Variants in SLC10A7 observed in about 807,000 individuals in gnomAD.
SLC10A7 encodes sodium/bile acid cotransporter 7.
Under a neutral mutation model 43.2 loss-of-function variants are expected in SLC10A7, and 29 were observed. That is an observed-to-expected ratio of 0.67 (90% CI 0.50 to 0.92). The LOEUF is 0.92. Among genes scored for constraint, SLC10A7 ranks in the 40% least tolerant of loss-of-function variants. The probability of loss-of-function intolerance (pLI) is 0.00; values close to 1 mark genes in which losing one functional copy is unlikely to be tolerated. For synonymous variants in SLC10A7, 152 were observed against 144.8 expected (o/e 1.05, Z -0.35); for missense variants, 295 against 403.2 (o/e 0.73, Z 2.30).
chr4:146,473,974 AAC>A lies in SLC10A7; in HGVS notation c.396+29873_396+29874del, dbSNP rs533097649. ...TCTCTGTTACCTTAACAGTTTTTGC[AAC>A]ACATTAAAGAGGTGAGCTTGACCAT... On this transcript the variant is annotated intron_variant, in intron 4 of 11. Transcript: ENST00000335472. Among the ~76,000 whole-genome samples the A allele has an allele frequency of 1.2e-4, 19 of 152,230 alleles. No homozygotes were observed. The South Asian group carries it at 2.5e-3, about 20-fold the overall frequency.
intron 5 of SLC10A7, among the ~76,000 whole-genome samples, chr4:146,436,692 A>G (rs747644833): frequency 1.7e-4 from 26 of 152,066 alleles, no homozygotes; most frequent in Admixed American, 2.6e-4. Flanking sequence ...CTCTCTTTCA[A>G]TCCTTTGGAT....
At chr4:146,475,183 G>A (rs1733918980) in intron 4 of SLC10A7, among the ~76,000 whole-genome samples, 1 of 151,966 alleles carries the variant, frequency 6.6e-6, no homozygotes, top group Non-Finnish European at 1.5e-5. Flanking sequence ...CAGCTGTAGA[G>A]GCACATACAT....
Position 146,416,807 on chromosome 4 carries a change from A to G in SLC10A7, c.435+25976T>C, listed in dbSNP as rs529367151. On this transcript the variant is annotated intron_variant, in intron 5 of 11. Coordinates refer to ENST00000335472, the MANE Select transcript of SLC10A7 (RefSeq NM_001029998.6). ...TTATTACATATCTGAATTCATCTTCATTGCCTTTTCTGTTCTGGCTATTCT... is the reference window on the plus strand; with the variant it reads ...TTATTACATATCTGAATTCATCTTCGTTGCCTTTTCTGTTCTGGCTATTCT... Among the ~76,000 whole-genome samples, 474 of 152,248 alleles carry G rather than the reference A, an allele frequency of 3.1e-3. 2 individuals carry two copies. The highest frequency in any genetic ancestry group is 0.011 in the African/African-American group (442 of 41,538).
At chr4:146,371,401 T>C (rs1736768874) in intron 5 of SLC10A7, among the ~76,000 whole-genome samples, 1 of 152,138 alleles carries the variant, frequency 6.6e-6, no homozygotes, top group Admixed American at 6.6e-5. Flanking sequence ...ATTAATCTCA[T>C]CTAAAGGCAG....
intron 5 of SLC10A7, among the ~76,000 whole-genome samples, chr4:146,407,998 C>A (rs1212055255): frequency 6.6e-6 from 1 of 152,182 alleles, no homozygotes; most frequent in East Asian, 1.9e-4. Flanking sequence ...AAGCCAAATT[C>A]TGTTCCCTTG....
intron 6 of SLC10A7, among the ~76,000 whole-genome samples, chr4:146,313,762 G>GTCTCTTTCGCTGACCTAGACCTCTCTCT (rs1207053695): frequency 2.0e-5 from 3 of 152,004 alleles, no homozygotes; most frequent in African/African-American, 2.4e-5. Flanking sequence ...CTGCCCCTTG[G>GTCTCTTTCGCTGACCTAGACCTCTCTCT]TCTCTTTCGC....
chr4:146,289,864 C>T (rs527979787), intron 9 of SLC10A7, among the ~76,000 whole-genome samples: 41 of 149,930 alleles, frequency 2.7e-4, no homozygotes, highest in Middle Eastern at 3.5e-3. Context: ...TACAGGTGCA[C>T]GCCACCACGC....
intron 5 of SLC10A7, among the ~76,000 whole-genome samples, chr4:146,355,531 A>T (rs1735519525): frequency 6.6e-6 from 1 of 151,534 alleles, no homozygotes; most frequent in South Asian, 2.1e-4. Flanking sequence ...CAGCCATCCC[A>T]TTACTGGGTA....
At chr4:146,395,252 CAT>C (rs1458010364) in intron 5 of SLC10A7, among the ~76,000 whole-genome samples, 1 of 152,014 alleles carries the variant, frequency 6.6e-6, no homozygotes, top group Non-Finnish European at 1.5e-5. Flanking sequence ...ATGTGGCTAA[CAT>C]AGTGCCAGAA....
intron 1 of SLC10A7, among the ~76,000 whole-genome samples, chr4:146,520,254 C>T (rs1470918876): frequency 1.0e-5 from 1 of 95,274 alleles, no homozygotes; most frequent in Non-Finnish European, 2.0e-5. Flanking sequence ...TCTTACTATT[C>T]ATTTAGCTCC....
rs529024967 is a variant in SLC10A7, at chr4:146,288,786, CTT to C, written c.773+4141_773+4142del. ...TTTATTTTCTAACTCTACCTTATCTCTTTTTAATATTGATTTTCTTTTTATCC... is the reference window on the plus strand; with the variant it reads ...TTTATTTTCTAACTCTACCTTATCTCTTTAATATTGATTTTCTTTTTATCC... On this transcript the variant is annotated intron_variant, in intron 9 of 11. Transcript: ENST00000335472. Among the ~76,000 whole-genome samples, 66 of 152,302 alleles carry C rather than the reference CTT, an allele frequency of 4.3e-4. 2 individuals carry two copies. In the South Asian group the frequency reaches 0.013, roughly 31 times the overall value.
chr4:146,436,941 C>T lies in SLC10A7; in HGVS notation c.435+5842G>A, dbSNP rs183754031. ...ATAAATTTAAATTGAAAATGTGAGTCTTATTTAACAAACAGTATGCTGACA... is the reference window on the plus strand; with the variant it reads ...ATAAATTTAAATTGAAAATGTGAGTTTTATTTAACAAACAGTATGCTGACA... On this transcript the variant is annotated intron_variant, in intron 5 of 11. Coordinates refer to ENST00000335472, the MANE Select transcript of SLC10A7 (RefSeq NM_001029998.6). Among the ~76,000 whole-genome samples, 397 of 152,084 alleles carry T rather than the reference C, an allele frequency of 2.6e-3. 1 individual carries two copies. Among genetic ancestry groups the T allele is most frequent in the African/African-American group, 9.3e-3 (387 of 41,504 alleles).
intron 3 of SLC10A7, among the ~76,000 whole-genome samples, chr4:146,506,515 G>C (rs888728014): frequency 7.2e-5 from 11 of 152,076 alleles, no homozygotes; most frequent in African/African-American, 2.7e-4. Flanking sequence ...TGGCCCCAGA[G>C]ACCATTCTCT....
chr4:146,339,874 T>C (rs112273133), intron 5 of SLC10A7, among the ~76,000 whole-genome samples: 2,078 of 149,684 alleles, frequency 0.014, 46 homozygotes, highest in African/African-American at 0.048. Context: ...GTTTGTTACA[T>C]AGGTATACAT....
At chr4:146,259,167 T>C (rs1560740015) in intron 10 of SLC10A7, among the ~76,000 whole-genome samples, 1 of 152,150 alleles carries the variant, frequency 6.6e-6, no homozygotes, top group Non-Finnish European at 1.5e-5. Flanking sequence ...AAAATATTGG[T>C]GAGGGAGATG....
chr4:146,514,984 C>G (rs1184612364), intron 2 of SLC10A7: 1 of 597,372 alleles, frequency 1.7e-6, no homozygotes, highest in African/African-American at 1.9e-5. Context: ...AGCACGAGAT[C>G]ACGGCATTTC....
At chr4:146,330,570 G>A (rs1733462685) in intron 5 of SLC10A7, among the ~76,000 whole-genome samples, 1 of 152,136 alleles carries the variant, frequency 6.6e-6, no homozygotes, top group African/African-American at 2.4e-5. Flanking sequence ...AGTTGCATTA[G>A]GAAATGAGTC....
At chr4:146,338,576 G>T (rs1337020995) in intron 5 of SLC10A7, among the ~76,000 whole-genome samples, 1 of 151,992 alleles carries the variant, frequency 6.6e-6, no homozygotes, top group East Asian at 1.9e-4. Context: ...TAGGGATAAT[G>T]TGTTACCTCA....
Position 146,515,356 on chromosome 4 carries a change from A to G in SLC10A7, c.183+1682T>C, listed in dbSNP as rs1345439785. On this transcript the variant is annotated intron_variant, in intron 2 of 11. Coordinates refer to ENST00000335472, the MANE Select transcript of SLC10A7 (RefSeq NM_001029998.6). ...GTCCAACATTATGGTAGTAGCAAAT[A>G]TCTTTCTGTATCACTGTGCCCCACA... is the stretch of plus-strand genomic sequence containing the variant. 2.0e-5 allele frequency among the ~76,000 whole-genome samples: 3 copies of G among 152,242 alleles called. No individual in the cohort carries two copies. The East Asian group carries it at 5.8e-4, about 29-fold the overall frequency.
Sources: allele counts gnomAD v4.1 joint callset (sites outside exome capture counted in the v4.1 genomes callset), GRCh38; gene constraint gnomAD v4.1.1; transcripts MANE v1.5; gene names NCBI Gene and HGNC (gene_info 2026-07-23, HGNC 2026-07-21).